Variants in PAM16 observed in about 807,000 individuals in gnomAD.
PAM16 encodes mitochondrial import inner membrane translocase subunit TIM16.
In PAM16, 11 loss-of-function variants were observed where a neutral mutation model predicts 17.9. The ratio of observed to expected loss-of-function variants is 0.62; its 90% CI spans 0.39 to 1.02. PAM16 has a LOEUF of 1.02. PAM16 is among the 50% of genes least tolerant of loss of function. PAM16 has a pLI of 0.01. For synonymous variants in PAM16, 72 were observed against 67.4 expected, an observed-to-expected ratio of 1.07 and a Z score of -0.34; for missense variants, 199 against 165.4, an observed-to-expected ratio of 1.20 and a Z score of -1.11.
At chr16:4,350,719 T>C (rs1021708866) in intron 1 of PAM16, among the ~76,000 whole-genome samples, 2 of 152,092 alleles carry the variant, frequency 1.3e-5, no homozygotes, top group South Asian at 4.1e-4. Flanking sequence ...CTTTTAAAGC[T>C]ACCCTAGGTG....
In PAM16 at chr16:4,351,296, G is replaced by A; in HGVS notation, c.-62C>T. On this transcript the variant is annotated 5_prime_UTR_variant, in exon 1 of 5. Coordinates refer to ENST00000318059, the MANE Select transcript of PAM16 (RefSeq NM_016069.11). ...TCCTGGCCCCGCGGCCGGGGATCAA[G>A]CGTGGTCGGCGGGTCAGAGGTCAAG... 5 of 1,356,542 alleles carry A rather than the reference G, an allele frequency of 3.7e-6. No homozygotes were observed. The highest frequency in any genetic ancestry group is 4.9e-6 in the Non-Finnish European group (5 of 1,026,772). 84.0% of individuals were successfully genotyped at this position (1,356,542 alleles called of 1,614,324 possible). A position where few individuals can be genotyped will look rare whatever the true frequency, so the allele number is the denominator to read the frequency against.
chr16:4,340,432 G>A, intron 4 of PAM16, 27 bp from the exon 5 acceptor site: 1 of 1,605,084 alleles, frequency 6.2e-7, no homozygotes, highest in South Asian at 1.1e-5. Flanking sequence ...AATCAGGCCG[G>A]GAGGCCAAGC....
Position 4,340,302 on chromosome 16 carries a change from CG to C in PAM16, c.*16del. 10 of 1,496,152 alleles carry C rather than the reference CG, an allele frequency of 6.7e-6. No homozygotes were observed. The highest frequency in any genetic ancestry group is 1.3e-5 in the South Asian group (1 of 76,876). 92.7% of individuals were successfully genotyped at this position (1,496,152 alleles called of 1,614,324 possible). ...TATAAATTAGAGGCGGCGGGGTGGG[CG>C]GGGGGAGCCGAGCAGTCACGTATGG... is the stretch of plus-strand genomic sequence containing the variant. On this transcript the variant is annotated 3_prime_UTR_variant, in exon 5 of 5. Transcript: ENST00000318059.
chr16:4,340,607 ACCT>A (rs2053628981), intron 4 of PAM16, among the ~76,000 whole-genome samples: 2 of 152,050 alleles, frequency 1.3e-5, no homozygotes, highest in African/African-American at 4.8e-5. Flanking sequence ...GCATGCTGTG[ACCT>A]CTGTGAGCTG....
At position 4,340,266 on chromosome 16, in the gene PAM16, T is replaced by C; in HGVS notation, c.*53A>G. On this transcript the variant is annotated 3_prime_UTR_variant, in exon 5 of 5. Coordinates refer to ENST00000318059, the MANE Select transcript of PAM16 (RefSeq NM_016069.11). Reference sequence around the variant, plus strand: ...AAACGAGAAATGCAGAAAAGAAATTTATTACCAAGCTATAAATTAGAGGCG... The same window carrying C: ...AAACGAGAAATGCAGAAAAGAAATTCATTACCAAGCTATAAATTAGAGGCG... 6.4e-7 allele frequency: 1 copy of C among 1,566,192 alleles called. No individual in the cohort carries two copies. Among genetic ancestry groups the C allele is most frequent in the Admixed American group, 1.7e-5 (1 of 57,440 alleles).
At position 4,351,215 on chromosome 16, in the gene PAM16, C is replaced by A; in HGVS notation, c.3+17G>T. 7.1e-7 allele frequency: 1 copy of A among 1,411,336 alleles called. No individual in the cohort carries two copies. 87.4% of individuals were successfully genotyped at this position (1,411,336 alleles called of 1,614,324 possible). A position where few individuals can be genotyped will look rare whatever the true frequency, so the allele number is the denominator to read the frequency against. The stretch of plus-strand genomic sequence containing the variant: ...ACTCGGCTTCCCCTCCCCGGTAGCG[C>A]CCGACTCGGGGCTCACCATGGCAGC... On this transcript the variant is annotated intron_variant, in intron 1 of 4. Coordinates refer to ENST00000318059, the MANE Select transcript of PAM16 (RefSeq NM_016069.11).
chr16:4,349,960 CAG>C (rs1466467391), intron 1 of PAM16, among the ~76,000 whole-genome samples: 3 of 152,112 alleles, frequency 2.0e-5, no homozygotes, highest in African/African-American at 4.8e-5. Context: ...AGCCTTAGCT[CAG>C]GGGCTGGCAC....
chr16:4,351,256 G>C lies in PAM16; in HGVS notation c.-22C>G, dbSNP rs539232715. The C allele has an allele frequency of 2.7e-6, 4 of 1,466,542 alleles. No individual in the cohort carries two copies. Among genetic ancestry groups the C allele is most frequent in the South Asian group, 2.8e-5 (2 of 70,304 alleles). The allele number at this position is 1,466,542 out of a possible 1,614,324, so 90.8% of individuals were successfully genotyped here. On this transcript the variant is annotated 5_prime_UTR_variant, in exon 1 of 5. Coordinates refer to ENST00000318059, the MANE Select transcript of PAM16 (RefSeq NM_016069.11). ...CCATGGCAGCCGCTCTGCCTCCGGG[G>C]CTCAAACTCCGACTTCCTGGCCCCG...
At chr16:4,344,444 C>G (rs62646089) in intron 1 of PAM16, among the ~76,000 whole-genome samples, 648 of 1,966 alleles carry the variant, frequency 0.33, 28 homozygotes, top group East Asian at 0.41. Flanking sequence ...AGGGGGTTCT[C>G]TGAGAGGAGG....
chr16:4,346,206 A>G (rs1466506191), intron 1 of PAM16, among the ~76,000 whole-genome samples: 1 of 152,206 alleles, frequency 6.6e-6, no homozygotes, highest in African/African-American at 2.4e-5. Flanking sequence ...TATAGGAGGC[A>G]TCTCTGAGAA....
intron 1 of PAM16, among the ~76,000 whole-genome samples, chr16:4,349,808 C>G (rs143534518): frequency 3.3e-5 from 5 of 152,172 alleles, no homozygotes; most frequent in African/African-American, 1.2e-4. Context: ...TGGGACAGAG[C>G]TGGGCTCAAA....
chr16:4,349,777 C>T (rs2053818460), intron 1 of PAM16, among the ~76,000 whole-genome samples: 2 of 152,018 alleles, frequency 1.3e-5, no homozygotes, highest in South Asian at 4.1e-4. Context: ...AAAAAACAAA[C>T]CAAAAAAACC....
At chr16:4,348,881 C>T (rs547628379) in intron 1 of PAM16, among the ~76,000 whole-genome samples, 4 of 151,348 alleles carry the variant, frequency 2.6e-5, no homozygotes, top group Admixed American at 1.3e-4. Flanking sequence ...GGTCTCGAAC[C>T]CCTGAGCTCA....
At chr16:4,350,345 T>C (rs1341825591) in intron 1 of PAM16, among the ~76,000 whole-genome samples, 8 of 149,436 alleles carry the variant, frequency 5.4e-5, no homozygotes, top group Non-Finnish European at 1.0e-4. Flanking sequence ...TATATAAAAA[T>C]ATATATAACA....
chr16:4,351,209 G>T, intron 1 of PAM16, 23 bp downstream of exon 1: 2 of 1,390,334 alleles, frequency 1.4e-6, no homozygotes, highest in Non-Finnish European at 1.9e-6. Flanking sequence ...CCCCTCCCCG[G>T]TAGCGCCCGA....
intron 1 of PAM16, among the ~76,000 whole-genome samples, chr16:4,349,598 C>A (rs1489569874): frequency 6.6e-6 from 1 of 152,022 alleles, no homozygotes; most frequent in African/African-American, 2.4e-5. Flanking sequence ...AAGACCCCAC[C>A]TCTACATAAA....
rs368163246 is a variant in PAM16 at position 4,341,527 on chromosome 16, G to A, written c.89-23C>T. ...TGGCTGTGTGGACATGTGGGTGATC[G>A]CTCAGTCCTCAGCAGCCCACACTTC... On this transcript the variant is annotated intron_variant, in intron 2 of 4. Transcript: ENST00000318059. 5.0e-5 allele frequency: 80 copies of A among 1,596,138 alleles called. No homozygotes were observed. In the African/African-American group the frequency reaches 9.0e-4, roughly 18 times the overall value.
chr16:4,345,376 G>A (rs879945577), intron 1 of PAM16: 7 of 152,160 alleles, frequency 4.6e-5, no homozygotes, highest in Admixed American at 3.9e-4. Context: ...GTGCCTCGGA[G>A]GCAGATCGGA....
chr16:4,340,477 C>T (rs2053626415), intron 4 of PAM16, 72 bp from the exon 5 acceptor site: 1 of 1,512,748 alleles, frequency 6.6e-7, no homozygotes, highest in African/African-American at 1.4e-5. Flanking sequence ...ATGGGATGGC[C>T]TATTCCCATC....
Sources: gnomAD v4.1 joint callset for allele counts (sites outside exome capture counted in the v4.1 genomes callset) on GRCh38, gnomAD v4.1.1 for gene constraint, MANE v1.5 for transcripts, NCBI Gene and HGNC (gene_info 2026-07-23, HGNC 2026-07-21) for gene names.